PRRT4: variants seen among roughly 807,000 people sequenced by gnomAD.
PRRT4 encodes proline rich transmembrane protein 4.
Under a neutral mutation model 55.6 loss-of-function variants are expected in PRRT4, and 59 were observed. That is an observed-to-expected ratio of 1.06 (90% confidence interval 0.86 to 1.32). The LOEUF is 1.32. PRRT4 is among the 40% of genes most tolerant of loss of function. The pLI, the probability that PRRT4 is intolerant of heterozygous loss-of-function variation, is 0.00. For synonymous variants in PRRT4, 606 were observed against 601.8 expected (o/e 1.01, Z -0.10); for missense variants, 1,217 against 1,222.0 (o/e 1.00, Z 0.06).
chr7:128,351,905 G>T, exon 5 of PRRT4: 1 of 1,323,592 alleles, frequency 7.6e-7, no homozygotes, highest in Non-Finnish European at 9.6e-7. Context: ...CAGGACTCCC[G>T]AGGGGCGAAG....
exon 5 of PRRT4, chr7:128,350,894 C>T (rs1472913882): frequency 1.2e-5 from 19 of 1,550,814 alleles, no homozygotes; most frequent in Non-Finnish European, 1.6e-5. Flanking sequence ...CTCAGCTCGT[C>T]GATCTGTCGG....
chr7:128,351,528 C>T, exon 5 of PRRT4: 1 of 1,487,548 alleles, frequency 6.7e-7, no homozygotes, highest in Non-Finnish European at 8.9e-7. Flanking sequence ...GCGCGCACAG[C>T]TGCAGCAGCT....
At chr7:128,351,572 G>A (rs1043657304) in exon 5 of PRRT4, 1 of 1,500,986 alleles carries the variant, frequency 6.7e-7, no homozygotes, top group Non-Finnish European at 8.8e-7. Context: ...CTCCCCAGGG[G>A]CTCCTTGTCT....
chr7:128,359,745 G>C, exon 2 of PRRT4: 1 of 1,551,320 alleles, frequency 6.4e-7, no homozygotes, highest in Non-Finnish European at 8.7e-7. Context: ...CCTGGCTCCT[G>C]GCCTGGCCCA....
chr7:128,351,881 G>A (rs571092037), exon 5 of PRRT4: 6 of 1,327,792 alleles, frequency 4.5e-6, no homozygotes, highest in Non-Finnish European at 5.7e-6. Flanking sequence ...GGGGCCGTGC[G>A]CGCCGCGCGC....
rs1234380157 is a variant in PRRT4 at position 128,352,386 on chromosome 7, C to T, written c.1170G>A (p.Trp390Ter). Residue 390 changes from tryptophan to a stop codon, truncating the protein, a stop_gained, in exon 5 of 5, where the codon TGG (tryptophan) becomes TGA (stop). Transcript: ENST00000535159. LOFTEE classifies it high-confidence loss of function. ...GGCAGGGGGCGCCGGGCGGGCACCG[C>T]CAGGGCAAGAGGGCCAGAGCCAGCA... 4.6e-6 allele frequency: 7 copies of T among 1,524,164 alleles called. No homozygotes were observed. The highest frequency in any genetic ancestry group is 4.0e-5 in the Admixed American group (2 of 50,434). The allele number at this position is 1,524,164 out of a possible 1,614,324, so 94.4% of individuals were successfully genotyped here.
rs537405507 is a variant in PRRT4, at chr7:128,355,998, C to T, written c.877+2683G>A. 2.6e-5 allele frequency among the ~76,000 whole-genome samples: 4 copies of T among 152,162 alleles called. No homozygotes were observed. In the South Asian group the frequency reaches 6.2e-4, roughly 24 times the overall value. On this transcript the variant is annotated intron_variant, in intron 4 of 4. Coordinates refer to ENST00000535159, the Ensembl canonical transcript of PRRT4. The stretch of plus-strand genomic sequence containing the variant: ...GAATCCAGGCTGGGCTGGTGGCTCA[C>T]GCCTGTAATCCCAGCACTTTGGGAG...
exon 5 of PRRT4, chr7:128,352,015 A>G: frequency 7.6e-7 from 1 of 1,314,178 alleles, no homozygotes; most frequent in Non-Finnish European, 9.7e-7. Flanking sequence ...GGAGAGCGCC[A>G]GCAGCAGCCC....
intron 4 of PRRT4, among the ~76,000 whole-genome samples, chr7:128,356,381 G>C (rs1176300955): frequency 6.6e-6 from 1 of 152,254 alleles, no homozygotes; most frequent in Non-Finnish European, 1.5e-5. Flanking sequence ...CTGATCCCAT[G>C]CTCTGCATGC....
chr7:128,352,354 A>G, exon 5 of PRRT4: 1 of 1,526,788 alleles, frequency 6.5e-7, no homozygotes. Context: ...CAGGTCCAGC[A>G]GCGCCAGGCA....
At chr7:128,357,315 G>T (rs1347074592) in intron 4 of PRRT4, among the ~76,000 whole-genome samples, 1 of 151,390 alleles carries the variant, frequency 6.6e-6, no homozygotes, top group Admixed American at 6.6e-5. Flanking sequence ...GAGGCCTATA[G>T]CTCTCCTGGG....
exon 5 of PRRT4, chr7:128,351,642 G>A (rs1041032178): frequency 4.7e-5 from 72 of 1,515,794 alleles, no homozygotes; most frequent in Non-Finnish European, 6.0e-5. Flanking sequence ...GGGACAAGCG[G>A]AAGAGCTTGG....
At chr7:128,352,747 G>A in intron 4 of PRRT4, 69 bp from the exon 6 acceptor site, 2 of 1,375,348 alleles carry the variant, frequency 1.5e-6, no homozygotes, top group Non-Finnish European at 1.9e-6. Context: ...ACAAGCAGTA[G>A]CCTGAATGCC....
chr7:128,355,549 G>T (rs778518855), intron 4 of PRRT4, among the ~76,000 whole-genome samples: 3 of 152,092 alleles, frequency 2.0e-5, no homozygotes, highest in Non-Finnish European at 4.4e-5. Context: ...AAAGACACCA[G>T]CCATCAATTA....
chr7:128,359,282 C>G, intron 2 of PRRT4, 29 bp from the exon 4 acceptor site: 10 of 1,543,722 alleles, frequency 6.5e-6, no homozygotes, highest in Non-Finnish European at 8.7e-6. Context: ...CTGAAGCTGC[C>G]TCCTACCTGC....
exon 5 of PRRT4, chr7:128,350,971 G>C: frequency 6.4e-7 from 1 of 1,551,178 alleles, no homozygotes; most frequent in Non-Finnish European, 8.7e-7. Flanking sequence ...AGGCTCTGGG[G>C]AGTCGCGAGA....
At chr7:128,356,379 A>G (rs56290207) in intron 4 of PRRT4, among the ~76,000 whole-genome samples, 1,856 of 152,374 alleles carry the variant, frequency 0.012, 40 homozygotes, top group African/African-American at 0.042. Context: ...CACTGATCCC[A>G]TGCTCTGCAT....
chr7:128,351,969 G>A (rs1255296054), exon 5 of PRRT4: 9 of 1,300,952 alleles, frequency 6.9e-6, no homozygotes, highest in Non-Finnish European at 7.8e-6. Flanking sequence ...ACCCTCCCAG[G>A]GGCGCCCCGG....
exon 5 of PRRT4, chr7:128,351,425 A>C (rs1452212995): frequency 2.0e-6 from 3 of 1,528,884 alleles, no homozygotes; most frequent in Non-Finnish European, 2.6e-6. Flanking sequence ...CTGCAGGGAG[A>C]GGAAGCCGGG....
Sources: gnomAD v4.1 joint callset for allele counts (sites outside exome capture counted in the v4.1 genomes callset) on GRCh38, gnomAD v4.1.1 for gene constraint, MANE v1.5 for transcripts, NCBI Gene and HGNC (gene_info 2026-07-23, HGNC 2026-07-21) for gene names.